The following DOCK2 variants were observed in gnomAD, a reference collection of about 807,000 sequenced individuals.
DOCK2 encodes dedicator of cytokinesis protein 2.
A neutral mutation model predicts 248.9 loss-of-function variants in DOCK2; 87 were observed. The observed-to-expected ratio is 0.35, with a 90% CI of 0.29 to 0.42. DOCK2 has a LOEUF of 0.42. Among genes scored for constraint, DOCK2 ranks in the 10% least tolerant of loss-of-function variants. The probability of loss-of-function intolerance (pLI) is 1.00; values close to 1 mark genes in which losing one functional copy is unlikely to be tolerated. For synonymous variants in DOCK2, 805 were observed against 821.6 expected (o/e 0.98, Z 0.35); for missense variants, 1,747 against 2,300.2 (o/e 0.76, Z 4.92).
At chr5:169,864,321 T>C (rs1368887508) in intron 27 of DOCK2, 1 of 1,551,532 alleles carries the variant, frequency 6.4e-7, no homozygotes, top group Non-Finnish European at 8.7e-7. Flanking sequence ...TTTTCCGCCT[T>C]AAGTCCTGCT....
chr5:169,748,179 T>TTA (rs397705653), intron 23 of DOCK2, among the ~76,000 whole-genome samples: 7 of 151,846 alleles, frequency 4.6e-5, no homozygotes, highest in African/African-American at 1.7e-4. Context: ...TTTTTTTTTT[T>TTA]AAATCAATAT....
At chr5:169,883,545 A>G in intron 27 of DOCK2, 1 of 1,551,628 alleles carries the variant, frequency 6.4e-7, no homozygotes, top group South Asian at 1.2e-5. Context: ...CCAGGGACTT[A>G]CTGGCTGTGA....
intron 1 of DOCK2, among the ~76,000 whole-genome samples, chr5:169,640,140 C>G (rs1757070751): frequency 6.6e-6 from 1 of 152,244 alleles, no homozygotes; most frequent in African/African-American, 2.4e-5. Flanking sequence ...ATTCCTTTAT[C>G]TCCGAATATG....
At chr5:169,924,819 A>G (rs1449009141) in intron 27 of DOCK2, among the ~76,000 whole-genome samples, 3 of 152,034 alleles carry the variant, frequency 2.0e-5, no homozygotes, top group Non-Finnish European at 4.4e-5. Flanking sequence ...GGCCTGGCAC[A>G]TGGGTAGGTA....
chr5:170,005,796 G>A (rs1285087275), intron 30 of DOCK2, among the ~76,000 whole-genome samples: 1 of 151,858 alleles, frequency 6.6e-6, no homozygotes, highest in Non-Finnish European at 1.5e-5. Context: ...ATGCTTTTTT[G>A]ATGGATTCAT....
intron 10 of DOCK2, among the ~76,000 whole-genome samples, chr5:169,696,749 C>G (rs1760655044): frequency 6.6e-6 from 1 of 151,996 alleles, no homozygotes; most frequent in Non-Finnish European, 1.5e-5. Flanking sequence ...AATCGCAGAC[C>G]TGCTTACTCT....
intron 14 of DOCK2, among the ~76,000 whole-genome samples, chr5:169,705,793 A>G (rs571630890): frequency 1.3e-5 from 2 of 152,106 alleles, no homozygotes. Flanking sequence ...TACCAAGTAA[A>G]CAGGACATGT....
At chr5:169,671,736 A>T (rs983996709) in intron 5 of DOCK2, among the ~76,000 whole-genome samples, 2 of 152,238 alleles carry the variant, frequency 1.3e-5, no homozygotes, top group Admixed American at 1.3e-4. Flanking sequence ...CAAACCATTA[A>T]GCTGAGAGTG....
Position 169,912,805 on chromosome 5 carries a change from C to G in DOCK2, c.2800-70263C>G, listed in dbSNP as rs77156729. Among the ~76,000 whole-genome samples, 292 of 151,966 alleles carry G rather than the reference C, an allele frequency of 1.9e-3. 4 individuals carry two copies. In the East Asian group the frequency reaches 0.025, roughly 13 times the overall value. ...GCAGCAGCAGGAGCAGCAGTATAAC[C>G]AGAGTGTTGAGATTTTTTTTTTCTA... On this transcript the variant is annotated intron_variant, in intron 27 of 51. Coordinates refer to ENST00000520908, the MANE Select transcript of DOCK2 (RefSeq NM_004946.3).
chr5:169,791,727 A>G (rs1447500301), intron 25 of DOCK2, among the ~76,000 whole-genome samples: 1 of 152,236 alleles, frequency 6.6e-6, no homozygotes, highest in Non-Finnish European at 1.5e-5. Flanking sequence ...TGGGTGAGCT[A>G]CATGGAGCTC....
At position 169,945,415 on chromosome 5, in the gene DOCK2, G is replaced by A. The variant is rs539558781; in HGVS notation, c.2800-37653G>A. 3.9e-5 allele frequency among the ~76,000 whole-genome samples: 6 copies of A among 152,390 alleles called. No individual in the cohort carries two copies. The South Asian group carries it at 1.2e-3, about 32-fold the overall frequency. On this transcript the variant is annotated intron_variant, in intron 27 of 51. Coordinates refer to ENST00000520908, the MANE Select transcript of DOCK2 (RefSeq NM_004946.3). ...TTGGGTCTCAGAGTGAAAAATCAGTGAGAATAAACTCAACAGAAATGCTAA... is the reference window on the plus strand; with the variant it reads ...TTGGGTCTCAGAGTGAAAAATCAGTAAGAATAAACTCAACAGAAATGCTAA...
rs567484865 is a variant in DOCK2, at chr5:169,984,329, G to A, written c.2898+1163G>A. ...TGCCTGTGATGATATCCACACTTCC[G>A]CAGGTGACATCAAGTATGAATAATA... On this transcript the variant is annotated intron_variant, in intron 28 of 51. Coordinates refer to ENST00000520908, the MANE Select transcript of DOCK2 (RefSeq NM_004946.3). Among the ~76,000 whole-genome samples, 8 of 152,194 alleles carry A rather than the reference G, an allele frequency of 5.3e-5. No homozygotes were observed. The East Asian group carries it at 1.4e-3, about 26-fold the overall frequency.
chr5:169,793,491 T>A (rs909718234), intron 25 of DOCK2, among the ~76,000 whole-genome samples: 2 of 152,158 alleles, frequency 1.3e-5, no homozygotes, highest in African/African-American at 2.4e-5. Flanking sequence ...TCTCTAGGCT[T>A]CAGTTCCCTC....
At chr5:169,810,645 C>T (rs1012176896) in intron 26 of DOCK2, among the ~76,000 whole-genome samples, 2 of 152,120 alleles carry the variant, frequency 1.3e-5, no homozygotes, top group Admixed American at 6.5e-5. Flanking sequence ...GCTCAAATGA[C>T]CATGCCCTTT....
chr5:169,765,070 GCACACACACACACA>G (rs142755026), intron 25 of DOCK2, among the ~76,000 whole-genome samples: 4 of 146,602 alleles, frequency 2.7e-5, no homozygotes, highest in Non-Finnish European at 6.0e-5. Context: ...CTCTTTTAGC[GCACACACACACACA>G]CACACACACA....
At chr5:169,724,398 A>G (rs1762360559) in intron 22 of DOCK2, among the ~76,000 whole-genome samples, 1 of 152,208 alleles carries the variant, frequency 6.6e-6, no homozygotes, top group Admixed American at 6.5e-5. Context: ...ATGAATAAAG[A>G]AAAGTTGACA....
At chr5:169,702,106 G>A (rs1450467617) in intron 13 of DOCK2, 197 bp from the exon 14 acceptor site, 2 of 449,800 alleles carry the variant, frequency 4.4e-6, no homozygotes, top group Non-Finnish European at 3.7e-6. Context: ...TGATTTCCTA[G>A]CATCCCTTCA....
intron 2 of DOCK2, among the ~76,000 whole-genome samples, chr5:169,661,856 A>T (rs915050250): frequency 1.3e-5 from 2 of 152,168 alleles, no homozygotes; most frequent in Non-Finnish European, 2.9e-5. Flanking sequence ...TTATCTACTC[A>T]TCCACTGGTG....
chr5:169,729,406 T>G (rs771670239), intron 22 of DOCK2, among the ~76,000 whole-genome samples: 4 of 152,160 alleles, frequency 2.6e-5, no homozygotes, highest in Non-Finnish European at 5.9e-5. Context: ...GAAGGAAGAT[T>G]GAAAAGGACT....
Sources: gnomAD v4.1 joint callset for allele counts (sites outside exome capture counted in the v4.1 genomes callset) on GRCh38, gnomAD v4.1.1 for gene constraint, MANE v1.5 for transcripts, NCBI Gene and HGNC (gene_info 2026-07-23, HGNC 2026-07-21) for gene names.